Variants in CELF2 observed in about 807,000 individuals in gnomAD.
CELF2 encodes CUGBP Elav-like family member 2.
In CELF2, 8 loss-of-function variants were observed where a neutral mutation model predicts 62.6. The observed-to-expected ratio is 0.13, with a 90% CI of 0.07 to 0.23. The LOEUF (loss-of-function observed/expected upper bound fraction) is 0.23, where lower values mean the gene tolerates loss of function less well. Among genes scored for constraint, CELF2 ranks in the 10% least tolerant of loss-of-function variants. The probability of loss-of-function intolerance (pLI) is 1.00; values close to 1 mark genes in which losing one functional copy is unlikely to be tolerated. For synonymous variants in CELF2, 258 were observed against 250.0 expected (o/e 1.03, Z -0.30); for missense variants, 333 against 671.0 (o/e 0.50, Z 5.56).
At chr10:10,815,408 C>T (rs536126566) in intron 1 of CELF2, among the ~76,000 whole-genome samples, 1 of 152,262 alleles carries the variant, frequency 6.6e-6, no homozygotes, top group South Asian at 2.1e-4. Flanking sequence ...AAAACAGCTC[C>T]TGAGAACTTG....
intron 1 of CELF2, among the ~76,000 whole-genome samples, chr10:10,915,625 C>T (rs959041848): frequency 1.3e-5 from 2 of 151,942 alleles, no homozygotes; most frequent in African/African-American, 4.8e-5. Flanking sequence ...TATAGGAAAG[C>T]AGTATTGCTA....
the CELF2 span, chr10:10,788,901 C>G: frequency 6.6e-6 from 1 of 152,194 alleles, no homozygotes; most frequent in African/African-American, 2.4e-5. Context: ...GGGCCCCTAT[C>G]TTCGGAGAGC....
At chr10:11,124,311 T>C (rs538078024) in intron 1 of CELF2, among the ~76,000 whole-genome samples, 7 of 152,304 alleles carry the variant, frequency 4.6e-5, no homozygotes, top group African/African-American at 7.2e-5. Context: ...GTCGCTCTTA[T>C]TATTCTTATA....
chr10:10,543,958 G>T, the CELF2 span, among the ~76,000 whole-genome samples: 1 of 152,192 alleles, frequency 6.6e-6, no homozygotes, highest in African/African-American at 2.4e-5. Context: ...AGCTGTGATT[G>T]TATTGCCTCT....
At chr10:10,609,429 G>A in the CELF2 span, among the ~76,000 whole-genome samples, 24 of 142,284 alleles carry the variant, frequency 1.7e-4, no homozygotes, top group Admixed American at 3.7e-4. Flanking sequence ...TGTTTCTTTC[G>A]TCAAGATTTC....
intron 1 of CELF2, among the ~76,000 whole-genome samples, chr10:11,099,037 A>G (rs1176243841): frequency 6.6e-6 from 1 of 152,204 alleles, no homozygotes; most frequent in Non-Finnish European, 1.5e-5. Context: ...ATGAATTAGG[A>G]CCGTCGTCCT....
the CELF2 span, among the ~76,000 whole-genome samples, chr10:10,649,301 T>C: frequency 6.6e-6 from 1 of 152,226 alleles, no homozygotes; most frequent in Non-Finnish European, 1.5e-5. Flanking sequence ...AGGTCCTTTA[T>C]TCTGTTGCAG....
chr10:10,615,470 C>A, the CELF2 span, among the ~76,000 whole-genome samples: 1 of 152,048 alleles, frequency 6.6e-6, no homozygotes, highest in Non-Finnish European at 1.5e-5. Flanking sequence ...CACATTTCTG[C>A]GCTTTGTGGT....
the CELF2 span, among the ~76,000 whole-genome samples, chr10:10,790,461 T>C: frequency 5.9e-5 from 9 of 152,294 alleles, no homozygotes; most frequent in South Asian, 2.1e-4. Flanking sequence ...TGAAAAACCA[T>C]TGGTCCTTTT....
At chr10:10,846,905 G>A (rs887617397) in intron 1 of CELF2, among the ~76,000 whole-genome samples, 2 of 152,152 alleles carry the variant, frequency 1.3e-5, no homozygotes, top group African/African-American at 4.8e-5. Flanking sequence ...CCATGTGATT[G>A]CAGGTTTTGG....
In CELF2 at chr10:11,243,200, G is replaced by A. The variant is rs995860912; in HGVS notation, c.355-5953G>A. On this transcript the variant is annotated intron_variant, in intron 3 of 12. Transcript: ENST00000633077. The surrounding 1 kb of genome is among the most constrained non-coding windows in gnomAD (Gnocchi z 4.1). ...TCAGCAGATGCCTTCTTGGGACCGC[G>A]CTTGACTCTAGTTCCTTCTCCCCGG... is the stretch of plus-strand genomic sequence containing the variant. 1.4e-4 allele frequency among the ~76,000 whole-genome samples: 22 copies of A among 152,186 alleles called. No homozygotes were observed. The highest frequency in any genetic ancestry group is 4.8e-4 in the African/African-American group (20 of 41,510).
the CELF2 span, among the ~76,000 whole-genome samples, chr10:10,750,187 C>G: frequency 6.6e-6 from 1 of 151,700 alleles, no homozygotes; most frequent in Non-Finnish European, 1.5e-5. Context: ...GAGGCTGAGG[C>G]AGGAGAATTG....
rs33926226 is a variant in CELF2, at chr10:10,815,904, G to GTTTTT, written c.53+17098_53+17102dup. Among the ~76,000 whole-genome samples the GTTTTT allele has an allele frequency of 7.8e-4, 104 of 132,622 alleles. 1 individual carries two copies. Among genetic ancestry groups the GTTTTT allele is most frequent in the East Asian group, 3.6e-3 (17 of 4,718 alleles). The allele number at this position is 132,622 out of a possible 152,430, so 87.0% of individuals were successfully genotyped here. On this transcript the variant is annotated intron_variant, in intron 1 of 13. Transcript: ENST00000636488. ...TATTTCATAGCTTGGGGTTTGGGTT[G>GTTTTT]TTTTTTTTTTTTTTTGCCCCATAAA... is the stretch of plus-strand genomic sequence containing the variant.
the CELF2 span, among the ~76,000 whole-genome samples, chr10:10,663,440 T>C: frequency 6.6e-6 from 1 of 152,162 alleles, no homozygotes; most frequent in Admixed American, 6.5e-5. Context: ...CTCTTTAAAT[T>C]TTGACCAGTC....
intron 1 of CELF2, among the ~76,000 whole-genome samples, chr10:11,066,886 C>T (rs1381910729): frequency 2.6e-5 from 4 of 152,264 alleles, no homozygotes; most frequent in South Asian, 2.1e-4. Flanking sequence ...CTCCTCCCTT[C>T]CCCCTGAGAC....
At chr10:10,860,711 C>A (rs1333570063) in intron 1 of CELF2, among the ~76,000 whole-genome samples, 4 of 152,174 alleles carry the variant, frequency 2.6e-5, no homozygotes, top group Non-Finnish European at 5.9e-5. Flanking sequence ...CACCCAACAA[C>A]GTGGCAGGCA....
intron 2 of CELF2, among the ~76,000 whole-genome samples, chr10:11,198,731 C>T (rs530350974): frequency 1.3e-5 from 2 of 152,292 alleles, no homozygotes; most frequent in East Asian, 1.9e-4. Context: ...TTCAGACTTG[C>T]ATTCTGTACA....
Position 10,947,131 on chromosome 10 carries a change from A to G in CELF2, c.89+27132A>G, listed in dbSNP as rs2047779347. 1 of 152,254 alleles carries G rather than the reference A, an allele frequency of 6.6e-6. No individual in the cohort carries two copies. Among genetic ancestry groups the G allele is most frequent in the African/African-American group, 2.4e-5 (1 of 41,458 alleles). The allele number at this position is 152,254 out of a possible 1,614,324, so 9.4% of individuals were successfully genotyped here. A position where few individuals can be genotyped will look rare whatever the true frequency, so the allele number is the denominator to read the frequency against. On this transcript the variant is annotated intron_variant, in intron 2 of 13. Coordinates refer to the CELF2 transcript ENST00000636488. The surrounding 1 kb of genome is among the most constrained non-coding windows in gnomAD (Gnocchi z 4.1). ...AGGCTTTGCTGTCCTTGCTGTGTGTAAGATCGGAGAAGGCAAGGAAACCTT... is the reference window on the plus strand; with the variant it reads ...AGGCTTTGCTGTCCTTGCTGTGTGTGAGATCGGAGAAGGCAAGGAAACCTT...
chr10:10,939,089 C>T (rs908853453), intron 2 of CELF2, among the ~76,000 whole-genome samples: 2 of 150,396 alleles, frequency 1.3e-5, no homozygotes, highest in Non-Finnish European at 2.9e-5. Context: ...TCAGTGTGGC[C>T]GCTATTGTAA....
Sources: gnomAD v4.1 joint callset for allele counts (sites outside exome capture counted in the v4.1 genomes callset) on GRCh38, gnomAD v4.1.1 for gene constraint, Gnocchi (gnomAD v3.1) non-coding constraint, MANE v1.5 for transcripts, NCBI Gene and HGNC (gene_info 2026-07-23, HGNC 2026-07-21) for gene names.